The following UACA variants were observed in gnomAD, a reference collection of about 807,000 sequenced individuals.
UACA encodes uveal autoantigen with coiled-coil domains and ankyrin repeats, also known as nuclear membrane binding protein.
A neutral mutation model predicts 160.5 loss-of-function variants in UACA; 112 were observed. The ratio of observed to expected loss-of-function variants is 0.70; its 90% CI spans 0.60 to 0.82. The LOEUF (loss-of-function observed/expected upper bound fraction) is 0.82, where lower values mean the gene tolerates loss of function less well. Ranked by LOEUF, UACA falls within the 40% of genes least tolerant of loss-of-function variation. The probability of loss-of-function intolerance (pLI) is 0.00; values close to 1 mark genes in which losing one functional copy is unlikely to be tolerated. For synonymous variants in UACA, 557 were observed against 568.4 expected (o/e 0.98, Z 0.29); for missense variants, 1,574 against 1,614.6 (o/e 0.97, Z 0.43).
At chr15:70,745,787 G>C (rs1329405698) in intron 1 of UACA, among the ~76,000 whole-genome samples, 4 of 151,256 alleles carry the variant, frequency 2.6e-5, no homozygotes, top group Non-Finnish European at 5.9e-5. Context: ...GAACAGAACA[G>C]AGGCCTCTGA....
intron 7 of UACA, among the ~76,000 whole-genome samples, chr15:70,686,806 GTTTAA>G (rs1897740770): frequency 6.6e-6 from 1 of 152,090 alleles, no homozygotes; most frequent in South Asian, 2.1e-4. Flanking sequence ...AGAAATTTTA[GTTTAA>G]TTTATTGTAA....
intron 1 of UACA, among the ~76,000 whole-genome samples, chr15:70,750,476 G>C (rs144779654): frequency 6.6e-6 from 1 of 152,194 alleles, no homozygotes; most frequent in East Asian, 1.9e-4. Context: ...TGAGCTCCGT[G>C]ATATTTCCTC....
chr15:70,687,800 T>C lies in UACA; in HGVS notation c.445A>G (p.Ser149Gly). 1 of 1,613,752 alleles carries C rather than the reference T, an allele frequency of 6.2e-7. No individual in the cohort carries two copies. Residue 149 changes from serine to glycine, a missense_variant, in exon 6 of 19, where the codon AGC (serine) becomes GGC (glycine). Coordinates refer to ENST00000322954, the MANE Select transcript of UACA (RefSeq NM_018003.4). ...HDAAMADCPS[S>G]IQLLCDHGAS... ...CCATGGTCACAAAGCAGCTGTATGC[T>C]AGAAGGACAATCTGCCATTGCTTTA... is the stretch of plus-strand genomic sequence containing the variant.
chr15:70,666,738 C>T lies in UACA; in HGVS notation c.3946G>A (p.Ala1316Thr), dbSNP rs1182451243. Residue 1316 changes from alanine to threonine, a missense_variant, in exon 16 of 19, where the codon GCA becomes ACA. Transcript: ENST00000322954. ...TTTGTACCTACCTTATTATCTTTTG[C>T]TTCTATTTGTTTAGCAGATTCTTGT... The part of the protein sequence containing the change: ...RIQESAKQIE[A>T]KDNKITELLN... The T allele has an allele frequency of 2.5e-6, 4 of 1,604,626 alleles. No homozygotes were observed. The highest frequency in any genetic ancestry group is 3.4e-6 in the Non-Finnish European group (4 of 1,177,050).
At chr15:70,767,239 CAAA>C (rs747903027), upstream of UACA, among the ~76,000 whole-genome samples, 2 of 46,528 alleles carry the variant, frequency 4.3e-5, no homozygotes, top group East Asian at 6.0e-4. Context: ...GACTCCATCT[CAAA>C]AAAAAAAAAA....
intron 17 of UACA, among the ~76,000 whole-genome samples, chr15:70,664,113 CTTGT>C (rs1896819656): frequency 6.6e-6 from 1 of 152,134 alleles, no homozygotes; most frequent in Non-Finnish European, 1.5e-5. Context: ...TTGCCACTTC[CTTGT>C]AAGTGGCAGG....
intron 4 of UACA, among the ~76,000 whole-genome samples, chr15:70,690,778 T>G (rs534715483): frequency 3.3e-4 from 50 of 151,282 alleles, no homozygotes; most frequent in African/African-American, 1.1e-3. Flanking sequence ...TTGTTTGGGG[T>G]TTTTTTTTCC....
At chr15:70,687,710 A>T in intron 6 of UACA, 40 bp downstream of exon 6, 7 of 1,613,076 alleles carry the variant, frequency 4.3e-6, no homozygotes, top group Non-Finnish European at 5.9e-6. Flanking sequence ...AGAAGTTAGA[A>T]TGCATGAGTT....
intron 13 of UACA, among the ~76,000 whole-genome samples, chr15:70,674,668 A>AC (rs1897252781): frequency 1.3e-5 from 2 of 151,876 alleles, no homozygotes; most frequent in Admixed American, 1.3e-4. Flanking sequence ...GCGTGATCTC[A>AC]CTCATTGCAA....
chr15:70,669,305 C>T lies in UACA; in HGVS notation c.1379G>A (p.Arg460Gln), dbSNP rs571781334. 6.2e-6 allele frequency: 10 copies of T among 1,614,042 alleles called. No individual in the cohort carries two copies. The highest frequency in any genetic ancestry group is 4.5e-5 in the East Asian group (2 of 44,876). ...TGCCAGTTCATTTTGGAGCTTCAGT[C>T]GGTCTTGTTTTGCTGACTCACAGAA... ...RTFCESAKQDRLKLQNELAHK... is the reference protein window; with the variant it reads ...RTFCESAKQDQLKLQNELAHK... Residue 460 changes from arginine to glutamine, a missense_variant, in exon 16 of 19, where the codon CGA becomes CAA. By Grantham distance (43) the Arg-to-Gln change is conservative. Transcript: ENST00000322954.
chr15:70,672,028 AG>A, intron 13 of UACA, 27 bp from the exon 14 acceptor site: 1 of 1,581,222 alleles, frequency 6.3e-7, no homozygotes, highest in African/African-American at 1.3e-5. Context: ...AAAATATTTT[AG>A]GGTGAATGCT....
chr15:70,698,900 A>G (rs1242631893), intron 2 of UACA, among the ~76,000 whole-genome samples: 2 of 152,180 alleles, frequency 1.3e-5, no homozygotes, highest in Non-Finnish European at 2.9e-5. Context: ...AGGGGAGAAG[A>G]CAGACACATC....
chr15:70,715,246 G>A (rs1015090330), intron 1 of UACA, among the ~76,000 whole-genome samples: 64 of 152,184 alleles, frequency 4.2e-4, no homozygotes, highest in Non-Finnish European at 8.4e-4. Flanking sequence ...TAATAGTTAC[G>A]GTGAATTTTA....
At chr15:70,678,387 A>G (rs1757022893) in intron 10 of UACA, among the ~76,000 whole-genome samples, 181 bp from the exon 11 acceptor site, 1 of 152,196 alleles carries the variant, frequency 6.6e-6, no homozygotes, top group African/African-American at 2.4e-5. Flanking sequence ...CATAAATAAA[A>G]TAGAAAATTA....
In UACA at chr15:70,668,262, T is replaced by A. The variant is rs200006843; in HGVS notation, c.2422A>T (p.Lys808Ter). 4 of 1,613,388 alleles carry A rather than the reference T, an allele frequency of 2.5e-6. No homozygotes were observed. The highest frequency in any genetic ancestry group is 1.3e-5 in the African/African-American group (1 of 74,908). Residue 808 changes from lysine (K) to a stop codon, truncating the protein, a stop_gained, in exon 16 of 19, where the codon AAA becomes TAA. Transcript: ENST00000322954. LOFTEE classifies it high-confidence loss of function. ...RLETVFVPPE[K>*]HEKEIIALKS... ...AGAGCTATTATCTCTTTTTCATGTTTCTCAGGAGGTACAAACACAGTTTCT... is the reference window on the plus strand; with the variant it reads ...AGAGCTATTATCTCTTTTTCATGTTACTCAGGAGGTACAAACACAGTTTCT...
chr15:70,687,597 A>G lies in UACA; in HGVS notation c.545T>C (p.Ile182Thr). ...TCCTCTATCTATCAGCAGTTGACAT[A>G]TTGTTGGCCTACTCATCTGAGTAGC... ...VLATQMSRPT[I>T]CQLLIDRGAD... is the part of the protein sequence containing the mutation. Residue 182 changes from isoleucine to threonine, a missense_variant, in exon 7 of 19, where the codon ATA becomes ACA. Coordinates refer to ENST00000322954, the MANE Select transcript of UACA (RefSeq NM_018003.4). The G allele has an allele frequency of 6.2e-7, 1 of 1,613,918 alleles. No homozygotes were observed. The highest frequency in any genetic ancestry group is 8.5e-7 in the Non-Finnish European group (1 of 1,179,840).
upstream of UACA, among the ~76,000 whole-genome samples, chr15:70,767,651 A>T (rs2031049862): frequency 6.6e-6 from 1 of 152,194 alleles, no homozygotes; most frequent in African/African-American, 2.4e-5. Flanking sequence ...TCCTTTTCAA[A>T]CATAAAGATC....
chr15:70,754,308 T>C, intron 1 of UACA: 1 of 331,546 alleles, frequency 3.0e-6, no homozygotes, highest in South Asian at 2.4e-5. Flanking sequence ...CAGCAGAAAC[T>C]GTATGTACTT....
intron 2 of UACA, 96 bp from the exon 3 acceptor site, chr15:70,695,201 C>G (rs1439396852): frequency 1.2e-5 from 8 of 694,022 alleles, no homozygotes; most frequent in Non-Finnish European, 1.6e-5. Flanking sequence ...CACACACACG[C>G]ACACAAACAC....
Sources: gnomAD v4.1 joint callset for allele counts (sites outside exome capture counted in the v4.1 genomes callset) on GRCh38, gnomAD v4.1.1 for gene constraint, MANE v1.5 for transcripts, NCBI Gene and HGNC (gene_info 2026-07-23, HGNC 2026-07-21) for gene names.